LAMC3: variants seen among roughly 807,000 people sequenced by gnomAD.
LAMC3 encodes laminin subunit gamma-3.
LAMC3 carries 128 observed loss-of-function variants against 173.8 expected under a neutral mutation model. The ratio of observed to expected loss-of-function variants is 0.74; its 90% CI spans 0.64 to 0.85. The LOEUF (loss-of-function observed/expected upper bound fraction) is 0.85, where lower values mean the gene tolerates loss of function less well. Among genes scored for constraint, LAMC3 ranks in the 40% least tolerant of loss-of-function variants. The probability of loss-of-function intolerance (pLI) is 0.00; values close to 1 mark genes in which losing one functional copy is unlikely to be tolerated. For missense variants in LAMC3, 2,022 were observed against 2,156.0 expected (o/e 0.94, Z 1.23); for synonymous variants, 897 against 909.1 (o/e 0.99, Z 0.24).
intron 25 of LAMC3, chr9:131,085,985 G>C: frequency 1.8e-6 from 1 of 544,068 alleles, no homozygotes. Flanking sequence ...ACCTGGGTCT[G>C]CTGGCTTTCC....
At chr9:131,058,789 G>C (rs1829742953) in intron 12 of LAMC3, among the ~76,000 whole-genome samples, 1 of 151,634 alleles carries the variant, frequency 6.6e-6, no homozygotes, top group African/African-American at 2.4e-5. Context: ...AGCTGCTTGG[G>C]AGGCTGAGGC....
intron 2 of LAMC3, among the ~76,000 whole-genome samples, chr9:131,030,017 C>T (rs10751513): frequency 0.24 from 35,915 of 151,340 alleles, 6,378 homozygotes; most frequent in African/African-American, 0.49. Context: ...CTTGGCTCAC[C>T]GCAACCTCTG....
chr9:131,071,842 T>A (rs1830040860), intron 18 of LAMC3, among the ~76,000 whole-genome samples: 1 of 152,252 alleles, frequency 6.6e-6, no homozygotes, highest in South Asian at 2.1e-4. Context: ...GGGGCTGGGC[T>A]CATTCATTTA....
chr9:131,064,427 G>A (rs1016560476), intron 13 of LAMC3, among the ~76,000 whole-genome samples: 1 of 152,192 alleles, frequency 6.6e-6, no homozygotes. Context: ...ACTTTGGGAG[G>A]CTGAGGCGGG....
intron 1 of LAMC3, among the ~76,000 whole-genome samples, chr9:131,017,176 G>T (rs575599614): frequency 2.6e-5 from 4 of 152,184 alleles, no homozygotes; most frequent in Non-Finnish European, 4.4e-5. Context: ...CTGTGCGCGG[G>T]CTGCTGCGGG....
chr9:131,068,378 A>G, intron 15 of LAMC3, 147 bp downstream of exon 15: 2 of 810,822 alleles, frequency 2.5e-6, no homozygotes, highest in Non-Finnish European at 3.8e-6. Flanking sequence ...AGGGGAGCAA[A>G]GGGATGGACT....
At chr9:131,065,860 GTGA>G (rs371897039) in intron 13 of LAMC3, among the ~76,000 whole-genome samples, 14 of 152,122 alleles carry the variant, frequency 9.2e-5, no homozygotes, top group African/African-American at 2.2e-4. Flanking sequence ...ATGGAGGAAG[GTGA>G]TGATGAGAAG....
intron 24 of LAMC3, 78 bp downstream of exon 24, chr9:131,082,239 G>A: frequency 1.8e-6 from 2 of 1,098,410 alleles, no homozygotes; most frequent in Middle Eastern, 2.0e-4. Context: ...CCTCAGCCAG[G>A]GCAGGCTTGC....
intron 6 of LAMC3, among the ~76,000 whole-genome samples, chr9:131,039,995 A>G (rs1834019115): frequency 6.8e-6 from 1 of 146,296 alleles, no homozygotes; most frequent in Non-Finnish European, 1.5e-5. Context: ...CAAAACAAAA[A>G]CCTATGATAA....
intron 1 of LAMC3, among the ~76,000 whole-genome samples, chr9:131,023,788 G>A (rs1833671681): frequency 6.6e-6 from 1 of 152,078 alleles, no homozygotes; most frequent in African/African-American, 2.4e-5. Flanking sequence ...ATTTTTTGTA[G>A]AGATGAGGTT....
chr9:131,033,244 C>G (rs1040218021), intron 3 of LAMC3, among the ~76,000 whole-genome samples: 1 of 152,210 alleles, frequency 6.6e-6, no homozygotes, highest in African/African-American at 2.4e-5. Context: ...GCATGAACAG[C>G]TTCCACGTCA....
intron 7 of LAMC3, among the ~76,000 whole-genome samples, chr9:131,042,373 C>A (rs1352309249): frequency 1.3e-5 from 2 of 152,098 alleles, no homozygotes; most frequent in Non-Finnish European, 2.9e-5. Flanking sequence ...GCAGACATCA[C>A]TAATGGTATA....
intron 24 of LAMC3, among the ~76,000 whole-genome samples, chr9:131,084,673 G>A (rs1361826526): frequency 6.6e-6 from 1 of 152,014 alleles, no homozygotes; most frequent in East Asian, 1.9e-4. Context: ...AAGGTGGGTG[G>A]ATCACTTAAA....
chr9:131,015,470 G>C (rs573913685), intron 1 of LAMC3, among the ~76,000 whole-genome samples: 2 of 152,192 alleles, frequency 1.3e-5, no homozygotes, highest in South Asian at 4.2e-4. Context: ...CCCTGGCTTT[G>C]CTTATTTGAA....
At position 131,038,942 on chromosome 9, in the gene LAMC3, G is replaced by A. The variant is rs1833992821; in HGVS notation, c.1055G>A (p.Cys352Tyr). 6.2e-7 allele frequency: 1 copy of A among 1,613,006 alleles called. No homozygotes were observed. ...CGCAGCACAGGCCACGGCGGGCGCT[G>A]TCACCACTGCCGTGACCACACAGCT... Reference protein sequence around the residue: ...LFRSTGHGGRCHHCRDHTAGP... With the variant: ...LFRSTGHGGRYHHCRDHTAGP... The change falls in exon 5 of 28, where the codon TGT becomes TAT. Residue 352 changes from cysteine (C) to tyrosine (Y), a missense_variant. By Grantham distance (194) the Cys-to-Tyr change is radical. Transcript: ENST00000361069.
intron 7 of LAMC3, among the ~76,000 whole-genome samples, chr9:131,044,632 G>C (rs1168901875): frequency 6.6e-6 from 1 of 152,224 alleles, no homozygotes; most frequent in Non-Finnish European, 1.5e-5. Context: ...ATGAAAGTCA[G>C]CATCGCTTGG....
chr9:131,061,164 G>A lies in LAMC3; in HGVS notation c.2288G>A (p.Cys763Tyr), dbSNP rs1485336911. The change falls in exon 13 of 28, where the codon TGT (cysteine) becomes TAT (tyrosine). Residue 763 changes from cysteine (C) to tyrosine (Y), a missense_variant. By Grantham distance (194) the Cys-to-Tyr change is radical (BLOSUM62 -2). Transcript: ENST00000361069. ...TGTCCCTGCCCTGGCCAGTCGGCCT[G>A]TACGACCATCCCAGAGAGCCGGGAG... ...QPCPCPGQSA[C>Y]TTIPESREVV... 3.7e-6 allele frequency: 6 copies of A among 1,612,640 alleles called. No homozygotes were observed. Among genetic ancestry groups the A allele is most frequent in the Non-Finnish European group, 5.1e-6 (6 of 1,179,946 alleles).
intron 11 of LAMC3, among the ~76,000 whole-genome samples, chr9:131,056,371 G>A (rs944705147): frequency 2.0e-5 from 3 of 151,654 alleles, no homozygotes; most frequent in Admixed American, 6.6e-5. Context: ...TGGTATCATC[G>A]TTGTTTAAAT....
intron 11 of LAMC3, among the ~76,000 whole-genome samples, chr9:131,055,198 C>A (rs552945939): frequency 6.6e-6 from 1 of 152,096 alleles, no homozygotes; most frequent in Non-Finnish European, 1.5e-5. Context: ...CCATTTTGAT[C>A]CACACTGCCA....
Sources: allele counts gnomAD v4.1 joint callset (sites outside exome capture counted in the v4.1 genomes callset), GRCh38; gene constraint gnomAD v4.1.1; transcripts MANE v1.5; gene names NCBI Gene and HGNC (gene_info 2026-07-23, HGNC 2026-07-21).